TMCO1: variants seen among roughly 807,000 people sequenced by gnomAD.
TMCO1 encodes the protein calcium load-activated calcium channel.
Under a neutral mutation model 29.3 loss-of-function variants are expected in TMCO1, and 29 were observed. The observed-to-expected ratio is 0.99, with a 90% CI of 0.74 to 1.35. TMCO1 has a LOEUF of 1.35. Among genes scored for constraint, TMCO1 ranks in the 40% most tolerant of loss-of-function variants. The pLI is 0.00. For synonymous variants in TMCO1, 80 were observed against 77.1 expected (o/e 1.04, Z -0.20); for missense variants, 173 against 225.5 (o/e 0.77, Z 1.49).
intron 2 of TMCO1, among the ~76,000 whole-genome samples, chr1:165,766,313 G>A (rs916397972): frequency 3.9e-5 from 6 of 152,170 alleles, no homozygotes; most frequent in Admixed American, 2.0e-4. Flanking sequence ...AAATTGATGC[G>A]TGGATATATG....
At chr1:165,764,597 G>A (rs1250582884) in intron 2 of TMCO1, among the ~76,000 whole-genome samples, 1 of 152,066 alleles carries the variant, frequency 6.6e-6, no homozygotes, top group Non-Finnish European at 1.5e-5. Context: ...GCCTGTAGTA[G>A]GAAACCATAA....
intron 2 of TMCO1, 142 bp from the exon 3 acceptor site, chr1:165,759,726 G>A: frequency 1.5e-6 from 1 of 679,778 alleles, no homozygotes; most frequent in South Asian, 1.8e-5. Flanking sequence ...AAGTTAACTG[G>A]TCCACTCTCA....
At chr1:165,737,757 C>T (rs186384241) in intron 6 of TMCO1, among the ~76,000 whole-genome samples, 11 of 152,108 alleles carry the variant, frequency 7.2e-5, no homozygotes, top group Admixed American at 6.6e-4. Context: ...TGAAAATATC[C>T]TTCAAGAATG....
rs563214945 is a variant in TMCO1 at position 165,758,493 on chromosome 1, T to G, written c.208+1032A>C. On this transcript the variant is annotated intron_variant, in intron 3 of 6. Transcript: ENST00000367881. ...ATCGCTTGAACCCGGGAGGCAGAGG[T>G]TGCAGTGAGCCGAGATCACACCACT... Among the ~76,000 whole-genome samples the G allele has an allele frequency of 1.9e-4, 28 of 149,342 alleles. No homozygotes were observed. In the South Asian group the frequency reaches 6.0e-3, roughly 32 times the overall value.
chr1:165,742,272 TC>T (rs66846411), intron 6 of TMCO1, among the ~76,000 whole-genome samples: 14,422 of 149,420 alleles, frequency 0.097, 787 homozygotes, highest in East Asian at 0.21. Flanking sequence ...CCCCCCCTTT[TC>T]TTTTTTTGAG....
At chr1:165,752,458 T>G (rs1293190581) in intron 4 of TMCO1, among the ~76,000 whole-genome samples, 1 of 151,468 alleles carries the variant, frequency 6.6e-6, no homozygotes, top group Non-Finnish European at 1.5e-5. Flanking sequence ...AGTTTCACCG[T>G]GTTAGCCAGG....
intron 6 of TMCO1, among the ~76,000 whole-genome samples, chr1:165,742,266 C>CA (rs1219247841): frequency 1.4e-5 from 2 of 147,848 alleles, no homozygotes; most frequent in African/African-American, 5.2e-5. Context: ...TCGGCTCCCC[C>CA]CCTTTTCTTT....
chr1:165,750,931 A>C (rs1406794496), intron 5 of TMCO1, among the ~76,000 whole-genome samples: 2 of 151,450 alleles, frequency 1.3e-5, no homozygotes, highest in African/African-American at 4.9e-5. Flanking sequence ...GTAGCCAGGC[A>C]TGGTGGCACA....
chr1:165,740,804 C>T (rs1339592890), intron 6 of TMCO1, among the ~76,000 whole-genome samples: 1 of 152,188 alleles, frequency 6.6e-6, no homozygotes, highest in Admixed American at 6.5e-5. Flanking sequence ...CTCTCTGGTT[C>T]TCGCTCTTGC....
intron 5 of TMCO1, among the ~76,000 whole-genome samples, chr1:165,744,923 C>A (rs981479898): frequency 4.6e-5 from 7 of 151,912 alleles, no homozygotes; most frequent in African/African-American, 1.7e-4. Context: ...CTTTTTCTGG[C>A]AGTCTGGGAG....
chr1:165,732,509 A>C (rs556783986), intron 6 of TMCO1, among the ~76,000 whole-genome samples: 5,105 of 146,366 alleles, frequency 0.035, 120 homozygotes, highest in Admixed American at 0.055. Flanking sequence ...CTCTCTCTAT[A>C]TATATATATA....
In TMCO1 at chr1:165,768,802, A is replaced by C. The variant is rs750014669; in HGVS notation, c.-51T>G. 8 of 1,612,800 alleles carry C rather than the reference A, an allele frequency of 5.0e-6. No individual in the cohort carries two copies. In the East Asian group the frequency reaches 8.9e-5, roughly 18 times the overall value. The stretch of plus-strand genomic sequence containing the variant: ...ACCCGCCAGGGGGAAAGCGCTCTAC[A>C]GCCAGGAAAAGTGAAGCGAAAACGG... On this transcript the variant is annotated 5_prime_UTR_variant, in exon 1 of 7. Transcript: ENST00000367881.
intron 5 of TMCO1, among the ~76,000 whole-genome samples, chr1:165,750,795 C>T (rs909900370): frequency 1.3e-5 from 2 of 152,026 alleles, no homozygotes; most frequent in African/African-American, 4.8e-5. Flanking sequence ...CTGGGCCAGG[C>T]GTGGTGGCTC....
chr1:165,726,802 T>A lies in TMCO1; in HGVS notation c.*1221A>T, dbSNP rs1461117118. 1 of 452,368 alleles carries A rather than the reference T, an allele frequency of 2.2e-6. No individual in the cohort carries two copies. Among genetic ancestry groups the A allele is most frequent in the Non-Finnish European group, 4.4e-6 (1 of 226,312 alleles). 28.0% of individuals were successfully genotyped at this position (452,368 alleles called of 1,614,324 possible). On this transcript the variant is annotated 3_prime_UTR_variant, in exon 7 of 7. Transcript: ENST00000367881. ...ATAATTCAACTCTCTTAGTTTTGTA[T>A]GTCTAAACATGTCTTTATTTTGCCT... is the stretch of plus-strand genomic sequence containing the variant.
chr1:165,768,438 A>G, intron 1 of TMCO1, 169 bp from the exon 2 acceptor site: 1 of 1,521,764 alleles, frequency 6.6e-7, no homozygotes. Flanking sequence ...AACAACAGTA[A>G]CATGATGTGA....
In TMCO1 at chr1:165,743,289, T is replaced by C; in HGVS notation, c.346A>G (p.Lys116Glu). Reference sequence around the variant, plus strand: ...TAAGAAAGAGGGGTAAAAGGAAGCTTTGCCACCACTCTACCATCAAATCTA... The same window carrying C: ...TAAGAAAGAGGGGTAAAAGGAAGCTCTGCCACCACTCTACCATCAAATCTA... ...NSIFDGRVVA[K>E]LPFTPLSYIQ... Residue 116 changes from lysine (K) to glutamate (E), a missense_variant, in exon 6 of 7, where the codon AAG becomes GAG. Coordinates refer to ENST00000367881, the MANE Select transcript of TMCO1 (RefSeq NM_019026.6). 6.2e-7 allele frequency: 1 copy of C among 1,613,382 alleles called. No homozygotes were observed. The highest frequency in any genetic ancestry group is 8.5e-7 in the Non-Finnish European group (1 of 1,179,860).
intron 5 of TMCO1, among the ~76,000 whole-genome samples, chr1:165,750,843 G>GC (rs1157587592): frequency 3.3e-5 from 5 of 152,152 alleles, no homozygotes; most frequent in African/African-American, 1.2e-4. Flanking sequence ...GCCTGGGTGG[G>GC]AGGATCACTT....
chr1:165,764,520 T>C (rs1470145715), intron 2 of TMCO1, among the ~76,000 whole-genome samples: 1 of 151,970 alleles, frequency 6.6e-6, no homozygotes, highest in Non-Finnish European at 1.5e-5. Context: ...GAAGAATGAG[T>C]AGGAGTTTAC....
At chr1:165,725,998 T>C (rs1650874756), downstream of TMCO1, 6 of 684,698 alleles carry the variant, frequency 8.8e-6, no homozygotes, top group Non-Finnish European at 1.6e-5. Flanking sequence ...CCATAAGAAG[T>C]CTGATTAGAA....
Sources: gnomAD v4.1 joint callset for allele counts (sites outside exome capture counted in the v4.1 genomes callset) on GRCh38, gnomAD v4.1.1 for gene constraint, MANE v1.5 for transcripts, NCBI Gene and HGNC (gene_info 2026-07-23, HGNC 2026-07-21) for gene names.